The following SCFD2 variants were observed in gnomAD, a reference collection of about 807,000 sequenced individuals.
SCFD2 encodes sec1 family domain containing 2.
In SCFD2, 54 loss-of-function variants were observed where a neutral mutation model predicts 58.9. That is an observed-to-expected ratio of 0.92 (90% CI 0.74 to 1.15). SCFD2 has a LOEUF of 1.15. Among genes scored for constraint, SCFD2 ranks in the 50% most tolerant of loss-of-function variants. The pLI, the probability that SCFD2 is intolerant of heterozygous loss-of-function variation, is 0.00. For missense variants in SCFD2, 805 were observed against 836.6 expected (o/e 0.96, Z 0.47); for synonymous variants, 321 against 335.9 (o/e 0.96, Z 0.49).
At chr4:53,072,241 G>A (rs1723836780) in intron 5 of SCFD2, among the ~76,000 whole-genome samples, 1 of 152,170 alleles carries the variant, frequency 6.6e-6, no homozygotes, top group African/African-American at 2.4e-5. Flanking sequence ...AGGCTCTGGT[G>A]TTAGTGATAC....
intron 4 of SCFD2, among the ~76,000 whole-genome samples, chr4:53,259,585 A>G (rs185218365): frequency 1.1e-4 from 16 of 152,188 alleles, no homozygotes; most frequent in Admixed American, 5.9e-4. Context: ...CTATGTGCCT[A>G]TTTTTATACC....
intron 4 of SCFD2, among the ~76,000 whole-genome samples, chr4:53,188,951 T>A (rs1727815660): frequency 6.6e-6 from 1 of 152,196 alleles, no homozygotes; most frequent in Non-Finnish European, 1.5e-5. Flanking sequence ...TTGGTTCATA[T>A]GATCACCTCC....
In SCFD2 at chr4:53,158,056, G is replaced by A. The variant is rs564257979; in HGVS notation, c.1312-12474C>T. Among the ~76,000 whole-genome samples the A allele has an allele frequency of 1.1e-3, 164 of 152,220 alleles. 1 individual carries two copies. Among genetic ancestry groups the A allele is most frequent in the African/African-American group, 3.7e-3 (154 of 41,550 alleles). ...ATGCTTCTGATCTTGTAGCTCCTTC[G>A]AGTCCCCTGGTAAGGTACATGAATG... On this transcript the variant is annotated intron_variant, in intron 4 of 8. Transcript: ENST00000401642.
intron 7 of SCFD2, among the ~76,000 whole-genome samples, chr4:52,889,373 T>A (rs1487308251): frequency 6.6e-6 from 1 of 152,224 alleles, no homozygotes; most frequent in South Asian, 2.1e-4. Context: ...TTGAGGTTCA[T>A]GCACAGTAAT....
At chr4:52,893,148 A>G (rs953202578) in intron 7 of SCFD2, among the ~76,000 whole-genome samples, 1 of 152,150 alleles carries the variant, frequency 6.6e-6, no homozygotes, top group Non-Finnish European at 1.5e-5. Flanking sequence ...CTTAAGTCCA[A>G]TGGACCTAAT....
intron 6 of SCFD2, among the ~76,000 whole-genome samples, chr4:52,917,870 T>C (rs1333129390): frequency 6.6e-6 from 1 of 152,118 alleles, no homozygotes; most frequent in East Asian, 1.9e-4. Flanking sequence ...GGTTAATGGG[T>C]AAAGATTAAA....
chr4:53,129,890 C>T (rs77536322), intron 5 of SCFD2, among the ~76,000 whole-genome samples: 2 of 152,158 alleles, frequency 1.3e-5, no homozygotes, highest in Non-Finnish European at 1.5e-5. Context: ...ATACCTTCAC[C>T]TGGAAAGCAT....
chr4:53,092,632 T>C (rs1055242337), intron 5 of SCFD2, among the ~76,000 whole-genome samples: 1 of 152,094 alleles, frequency 6.6e-6, no homozygotes, highest in African/African-American at 2.4e-5. Context: ...CTGATTGATA[T>C]ATGATATAAA....
At chr4:52,876,884 T>A (rs1426567086) in intron 8 of SCFD2, among the ~76,000 whole-genome samples, 1 of 151,848 alleles carries the variant, frequency 6.6e-6, no homozygotes, top group African/African-American at 2.4e-5. Flanking sequence ...CAGTCGTTCA[T>A]GCAAAGGGCC....
intron 4 of SCFD2, among the ~76,000 whole-genome samples, chr4:53,256,800 G>A (rs1257838440): frequency 1.3e-5 from 2 of 151,232 alleles, no homozygotes; most frequent in Non-Finnish European, 2.9e-5. Context: ...GTTGCAGTGA[G>A]CCGAGATGGC....
At chr4:53,236,426 G>A (rs1729611480) in intron 4 of SCFD2, among the ~76,000 whole-genome samples, 1 of 146,316 alleles carries the variant, frequency 6.8e-6, no homozygotes, top group African/African-American at 2.6e-5. Context: ...TATTTATTAG[G>A]ATATATATAT....
intron 4 of SCFD2, among the ~76,000 whole-genome samples, chr4:53,241,573 C>T (rs563112229): frequency 1.3e-5 from 2 of 152,306 alleles, no homozygotes; most frequent in East Asian, 3.9e-4. Context: ...TACACCAGCC[C>T]ACTTGTATCC....
At chr4:53,045,843 C>T (rs1191456688) in intron 5 of SCFD2, among the ~76,000 whole-genome samples, 1 of 151,970 alleles carries the variant, frequency 6.6e-6, no homozygotes, top group Non-Finnish European at 1.5e-5. Context: ...TTTTAACATG[C>T]CATAAAATGT....
chr4:53,321,918 T>C (rs1482626178), intron 2 of SCFD2, among the ~76,000 whole-genome samples: 1 of 152,188 alleles, frequency 6.6e-6, no homozygotes, highest in East Asian at 1.9e-4. Context: ...GCTGGAAACA[T>C]GGCTGTGAGC....
intron 5 of SCFD2, among the ~76,000 whole-genome samples, chr4:52,997,610 T>C (rs6838924): frequency 0.56 from 85,522 of 152,014 alleles, 24,455 homozygotes; most frequent in African/African-American, 0.66. Context: ...GCCTGGGGAA[T>C]GGTAAAGCAT....
chr4:53,268,876 T>C (rs925487637), intron 4 of SCFD2, among the ~76,000 whole-genome samples: 6 of 152,082 alleles, frequency 3.9e-5, no homozygotes, highest in African/African-American at 1.4e-4. Context: ...GGGAAGCAAC[T>C]CTATTGGAAG....
At chr4:53,022,941 G>A (rs922095739) in intron 5 of SCFD2, among the ~76,000 whole-genome samples, 1 of 152,100 alleles carries the variant, frequency 6.6e-6, no homozygotes, top group Non-Finnish European at 1.5e-5. Flanking sequence ...TGAATGGGGC[G>A]CCAAGGTAAA....
chr4:53,064,190 TGCTGAG>T, intron 5 of SCFD2, among the ~76,000 whole-genome samples: 1 of 152,212 alleles, frequency 6.6e-6, no homozygotes, highest in South Asian at 2.1e-4. Context: ...TGTTGCATGA[TGCTGAG>T]GTTTGGGGTA....
intron 4 of SCFD2, among the ~76,000 whole-genome samples, chr4:53,228,998 C>A (rs897286101): frequency 6.6e-6 from 1 of 152,136 alleles, no homozygotes; most frequent in Non-Finnish European, 1.5e-5. Flanking sequence ...AGAGCCAAAT[C>A]ATGAGTGAAC....
Sources: allele counts gnomAD v4.1 joint callset (sites outside exome capture counted in the v4.1 genomes callset), GRCh38; gene constraint gnomAD v4.1.1; transcripts MANE v1.5; gene names NCBI Gene and HGNC (gene_info 2026-07-23, HGNC 2026-07-21).